Variants in FER1L6 observed in about 807,000 individuals in gnomAD.
FER1L6 encodes fer-1 like family member 6.
A neutral mutation model predicts 219.2 loss-of-function variants in FER1L6; 177 were observed. The ratio of observed to expected loss-of-function variants is 0.81; its 90% CI spans 0.71 to 0.91. FER1L6 has a LOEUF of 0.91. FER1L6 is among the 40% of genes least tolerant of loss of function. The probability of loss-of-function intolerance (pLI) is 0.00; values close to 1 mark genes in which losing one functional copy is unlikely to be tolerated. For missense variants in FER1L6, 2,153 were observed against 2,259.9 expected, an observed-to-expected ratio of 0.95 and a Z score of 0.96; for synonymous variants, 768 against 824.3, an observed-to-expected ratio of 0.93 and a Z score of 1.17.
chr8:123,978,126 T>C (rs1816174944), intron 10 of FER1L6, among the ~76,000 whole-genome samples: 2 of 152,206 alleles, frequency 1.3e-5, no homozygotes, highest in African/African-American at 4.8e-5. Context: ...GGAGGTTTGC[T>C]CCTGGTCCCG....
At chr8:123,909,869 T>C (rs1813021272) in intron 1 of FER1L6, among the ~76,000 whole-genome samples, 1 of 152,190 alleles carries the variant, frequency 6.6e-6, no homozygotes, top group Admixed American at 6.5e-5. Context: ...ACTGTGTCTA[T>C]GGAAGTTATT....
At chr8:124,037,154 A>G (rs1819254334) in intron 19 of FER1L6, among the ~76,000 whole-genome samples, 1 of 152,256 alleles carries the variant, frequency 6.6e-6, no homozygotes, top group South Asian at 2.1e-4. Flanking sequence ...CACACTGAGT[A>G]AATGGTGCTC....
At chr8:123,955,599 T>A (rs1288849700) in intron 1 of FER1L6, among the ~76,000 whole-genome samples, 1 of 152,226 alleles carries the variant, frequency 6.6e-6, no homozygotes, top group Non-Finnish European at 1.5e-5. Flanking sequence ...CCGGCCTCTC[T>A]GGGCCTTGGC....
chr8:123,955,910 G>A (rs1454999301), intron 1 of FER1L6, 82 bp from the exon 2 acceptor site: 10 of 1,294,214 alleles, frequency 7.7e-6, no homozygotes, highest in East Asian at 7.5e-5. Flanking sequence ...CATGAAGCTC[G>A]GTGTGTTTTT....
At chr8:124,046,857 T>A (rs1819762011) in intron 21 of FER1L6, 1 of 152,240 alleles carries the variant, frequency 6.6e-6, no homozygotes, top group Non-Finnish European at 1.5e-5. Context: ...AGGTCCCCTG[T>A]GCCCACTTTT....
At chr8:123,944,544 G>A (rs1333330635) in intron 1 of FER1L6, among the ~76,000 whole-genome samples, 1 of 151,474 alleles carries the variant, frequency 6.6e-6, no homozygotes, top group Non-Finnish European at 1.5e-5. Flanking sequence ...CATATGCCAG[G>A]AGGTAAGTTA....
intron 12 of FER1L6, among the ~76,000 whole-genome samples, chr8:124,000,644 A>G (rs1316062709): frequency 6.6e-6 from 1 of 152,212 alleles, no homozygotes; most frequent in Non-Finnish European, 1.5e-5. Flanking sequence ...GTTAAGGCAT[A>G]CAAAGTGCCA....
intron 18 of FER1L6, among the ~76,000 whole-genome samples, chr8:124,026,984 C>T (rs1448471096): frequency 7.9e-5 from 12 of 152,124 alleles, no homozygotes; most frequent in Admixed American, 7.9e-4. Flanking sequence ...ATGTTCCAGG[C>T]CTCTCTTCTA....
At position 124,003,248 on chromosome 8, in the gene FER1L6, C is replaced by A; in HGVS notation, c.1601C>A (p.Pro534Gln). ...GAATCAGCTGAAGAAGACCTCCTTC[C>A]ACTGCTTCACGAAGGGCAAGGGGAT... Reference protein sequence around the residue: ...SAESAEEDLLPLLHEGQGDVA... With the variant: ...SAESAEEDLLQLLHEGQGDVA... Residue 534 changes from proline to glutamine, a missense_variant, in exon 13 of 41, where the codon CCA becomes CAA. By Grantham distance (76) the Pro-to-Gln change is moderately conservative. Transcript: ENST00000522917. 1 of 1,613,992 alleles carries A rather than the reference C, an allele frequency of 6.2e-7. No individual in the cohort carries two copies.
chr8:123,961,529 T>C (rs1220422199), intron 2 of FER1L6, among the ~76,000 whole-genome samples: 1 of 152,176 alleles, frequency 6.6e-6, no homozygotes, highest in Non-Finnish European at 1.5e-5. Context: ...GGTGCCCATT[T>C]TGATGGTCTG....
At chr8:124,027,703 G>C (rs1465968022) in intron 18 of FER1L6, among the ~76,000 whole-genome samples, 1 of 152,152 alleles carries the variant, frequency 6.6e-6, no homozygotes, top group African/African-American at 2.4e-5. Flanking sequence ...AGGTCGACAG[G>C]CATGTGCCAC....
intron 10 of FER1L6, among the ~76,000 whole-genome samples, chr8:123,979,959 T>C (rs1039642935): frequency 2.0e-5 from 3 of 152,210 alleles, no homozygotes; most frequent in East Asian, 1.9e-4. Context: ...AACTGGCACA[T>C]GCTCCTCCCT....
At chr8:123,919,115 A>C (rs1813281569) in intron 1 of FER1L6, among the ~76,000 whole-genome samples, 1 of 151,884 alleles carries the variant, frequency 6.6e-6, no homozygotes, top group South Asian at 2.1e-4. Flanking sequence ...ATGAGTGAGA[A>C]CTCCTTGGGA....
chr8:123,909,481 T>A (rs1813014536), intron 1 of FER1L6, among the ~76,000 whole-genome samples: 1 of 151,668 alleles, frequency 6.6e-6, no homozygotes, highest in Non-Finnish European at 1.5e-5. Flanking sequence ...CAGAGGTGAG[T>A]TAGGAGGATG....
At chr8:124,068,758 G>A (rs899499202) in intron 28 of FER1L6, among the ~76,000 whole-genome samples, 4 of 152,068 alleles carry the variant, frequency 2.6e-5, no homozygotes, top group Admixed American at 2.0e-4. Flanking sequence ...TAACCCACTG[G>A]CCCATAGATT....
At chr8:123,931,125 G>T (rs867405218) in intron 1 of FER1L6, among the ~76,000 whole-genome samples, 8 of 152,174 alleles carry the variant, frequency 5.3e-5, no homozygotes, top group Middle Eastern at 3.2e-3. Flanking sequence ...AGCTCTGGAG[G>T]CCCTGCCTGC....
At chr8:124,067,378 C>T (rs1039410403) in intron 27 of FER1L6, among the ~76,000 whole-genome samples, 12 of 152,200 alleles carry the variant, frequency 7.9e-5, no homozygotes, top group South Asian at 2.1e-4. Context: ...CCTCCCCAAC[C>T]TATGGTACCA....
intron 1 of FER1L6, among the ~76,000 whole-genome samples, chr8:123,865,327 A>AGTCT (rs1168484653): frequency 6.7e-6 from 1 of 149,852 alleles, no homozygotes. Flanking sequence ...TTGAGGAGGC[A>AGTCT]GTCTGCCCGT....
In FER1L6 at chr8:123,929,881, A is replaced by C. The variant is rs144121570; in HGVS notation, c.-7-26111A>C. On this transcript the variant is annotated intron_variant, in intron 1 of 40. Coordinates refer to ENST00000522917, the MANE Select transcript of FER1L6 (RefSeq NM_001039112.2). ...TCCCCCCTTAGTGATACCACAGTCT[A>C]GTGGGTAAGATAAGTATGTACATGA... is the stretch of plus-strand genomic sequence containing the variant. 9.1e-4 allele frequency among the ~76,000 whole-genome samples: 138 copies of C among 152,072 alleles called. 2 individuals carry two copies. Among genetic ancestry groups the C allele is most frequent in the East Asian group, 6.8e-3 (35 of 5,170 alleles).
Sources: gnomAD v4.1 joint callset for allele counts (sites outside exome capture counted in the v4.1 genomes callset) on GRCh38, gnomAD v4.1.1 for gene constraint, MANE v1.5 for transcripts, NCBI Gene and HGNC (gene_info 2026-07-23, HGNC 2026-07-21) for gene names.